SUMF1: variants seen among roughly 807,000 people sequenced by gnomAD.
SUMF1 encodes sulfatase modifying factor 1.
SUMF1 carries 48 observed loss-of-function variants against 47.6 expected under a neutral mutation model. That is an observed-to-expected ratio of 1.01 (90% CI 0.80 to 1.28). The LOEUF (loss-of-function observed/expected upper bound fraction) is 1.28. Ranked by LOEUF, SUMF1 falls within the 50% of genes most tolerant of loss-of-function variation. The pLI, the probability that SUMF1 is intolerant of heterozygous loss-of-function variation, is 0.00. For synonymous variants in SUMF1, 230 were observed against 192.1 expected (o/e 1.20, Z -1.63); for missense variants, 571 against 485.4 (o/e 1.18, Z -1.66).
chr3:4,240,273 G>C (rs1394145695), intron 8 of SUMF1, among the ~76,000 whole-genome samples: 1 of 152,092 alleles, frequency 6.6e-6, no homozygotes, highest in Non-Finnish European at 1.5e-5. Flanking sequence ...TCAGGATGAA[G>C]CTAGCCTCAT....
chr3:4,093,396 A>G (rs1341005203), intron 8 of SUMF1, among the ~76,000 whole-genome samples: 1 of 152,106 alleles, frequency 6.6e-6, no homozygotes, highest in Admixed American at 6.6e-5. Flanking sequence ...TGACAAATCA[A>G]TAATTCACCG....
chr3:4,369,396 C>G (rs76627809), intron 8 of SUMF1, among the ~76,000 whole-genome samples: 155 of 152,266 alleles, frequency 1.0e-3, no homozygotes, highest in African/African-American at 3.4e-3. Flanking sequence ...GAAGACATAG[C>G]AAAAGCCTCA....
intron 8 of SUMF1, among the ~76,000 whole-genome samples, chr3:4,301,791 G>T (rs1697972336): frequency 6.6e-6 from 1 of 152,200 alleles, no homozygotes; most frequent in Non-Finnish European, 1.5e-5. Flanking sequence ...GAGCCTGTAG[G>T]ACAGAAAACA....
At chr3:4,286,772 A>C (rs1697641196) in intron 8 of SUMF1, among the ~76,000 whole-genome samples, 2 of 152,308 alleles carry the variant, frequency 1.3e-5, no homozygotes, top group East Asian at 1.9e-4. Context: ...ATCGTAGCAC[A>C]GAACACCTAA....
chr3:4,458,420 T>C (rs1269281878), intron 1 of SUMF1, among the ~76,000 whole-genome samples: 1 of 152,132 alleles, frequency 6.6e-6, no homozygotes, highest in Non-Finnish European at 1.5e-5. Context: ...TGAAAAAATA[T>C]CTACACTCCC....
rs75162929 is a variant in SUMF1, at chr3:4,190,529, G to A, written c.1015-121784C>T. ...TGCATTATTAATACGAGCTCTGTGG[G>A]CCTGTTTAGCAGAAAAGTGACCCAT... is the stretch of plus-strand genomic sequence containing the variant. On this transcript the variant is annotated intron_variant and NMD_transcript_variant, in intron 8 of 12. Transcript: ENST00000448413. Among the ~76,000 whole-genome samples the A allele has an allele frequency of 9.8e-3, 1,408 of 143,418 alleles. 33 individuals carry two copies. Among genetic ancestry groups the A allele is most frequent in the African/African-American group, 0.04 (1,342 of 33,364 alleles). 94.1% of individuals were successfully genotyped at this position (143,418 alleles called of 152,430 possible).
intron 6 of SUMF1, among the ~76,000 whole-genome samples, chr3:4,415,871 T>G (rs1701694684): frequency 6.6e-6 from 1 of 152,202 alleles, no homozygotes; most frequent in Admixed American, 6.5e-5. Context: ...AGTGCTCTTT[T>G]GCCCGCCTTC....
intron 9 of SUMF1, among the ~76,000 whole-genome samples, chr3:4,043,050 G>C (rs944280821): frequency 6.6e-6 from 1 of 152,132 alleles, no homozygotes; most frequent in African/African-American, 2.4e-5. Flanking sequence ...GGTGGCAGGA[G>C]AGCAGAGTTG....
At chr3:4,431,292 C>G (rs1426342204) in intron 3 of SUMF1, among the ~76,000 whole-genome samples, 1 of 152,300 alleles carries the variant, frequency 6.6e-6, no homozygotes, top group African/African-American at 2.4e-5. Flanking sequence ...CTGATTGATC[C>G]CCATCCTTCA....
intron 8 of SUMF1, among the ~76,000 whole-genome samples, chr3:4,107,509 T>C (rs1295596647): frequency 6.6e-6 from 1 of 152,144 alleles, no homozygotes; most frequent in Non-Finnish European, 1.5e-5. Flanking sequence ...CTATCCTGCC[T>C]AGCTTTTAGT....
chr3:4,099,671 G>A lies in SUMF1; in HGVS notation c.1015-30926C>T, dbSNP rs200516633. Among the ~76,000 whole-genome samples the A allele has an allele frequency of 2.0e-5, 3 of 152,012 alleles. No individual in the cohort carries two copies. In the East Asian group the frequency reaches 5.8e-4, roughly 29 times the overall value. ...AAATAGGAAAATATGAATTGAAATT[G>A]TCTGTTTGCTGAGGACATGATCTTA... On this transcript the variant is annotated intron_variant and NMD_transcript_variant, in intron 8 of 12. Coordinates refer to the SUMF1 transcript ENST00000448413.
chr3:4,126,638 G>A (rs190611298), intron 8 of SUMF1, among the ~76,000 whole-genome samples: 3 of 152,220 alleles, frequency 2.0e-5, no homozygotes, highest in Admixed American at 2.0e-4. Flanking sequence ...ACAAGGGTAT[G>A]AATACAACCA....
chr3:4,217,520 A>ATTATATATATATATAT (rs1553610074), intron 8 of SUMF1, among the ~76,000 whole-genome samples: 1 of 78,656 alleles, frequency 1.3e-5, no homozygotes, highest in Non-Finnish European at 2.4e-5. Flanking sequence ...TTTTTTATAT[A>ATTATATATATATATAT]TATATATATA....
intron 8 of SUMF1, among the ~76,000 whole-genome samples, chr3:4,306,985 T>G (rs1698213853): frequency 6.6e-6 from 1 of 152,250 alleles, no homozygotes; most frequent in African/African-American, 2.4e-5. Context: ...GCTTCAAACA[T>G]TATTTTTAGA....
chr3:4,175,693 A>C (rs1694944121), intron 8 of SUMF1, among the ~76,000 whole-genome samples: 2 of 152,172 alleles, frequency 1.3e-5, no homozygotes. Flanking sequence ...TGACTTTGAC[A>C]GGATGACAGA....
intron 8 of SUMF1, among the ~76,000 whole-genome samples, chr3:4,082,786 G>A (rs150794405): frequency 6.6e-6 from 1 of 152,108 alleles, no homozygotes; most frequent in Non-Finnish European, 1.5e-5. Flanking sequence ...ATTAGAGAGA[G>A]AATGGGTATG....
At chr3:4,349,420 G>C (rs141244836) in intron 8 of SUMF1, among the ~76,000 whole-genome samples, 1,896 of 152,300 alleles carry the variant, frequency 0.012, 47 homozygotes, top group African/African-American at 0.042. Context: ...GTGGAAGACA[G>C]TATGGTGATT....
At chr3:4,069,797 A>G (rs1380032508) in intron 8 of SUMF1, among the ~76,000 whole-genome samples, 1 of 152,164 alleles carries the variant, frequency 6.6e-6, no homozygotes, top group Non-Finnish European at 1.5e-5. Flanking sequence ...AGATAAGGAA[A>G]AATATATAAC....
intron 8 of SUMF1, among the ~76,000 whole-genome samples, chr3:4,118,287 C>T (rs1158641469): frequency 6.7e-6 from 1 of 149,632 alleles, no homozygotes; most frequent in Non-Finnish European, 1.5e-5. Flanking sequence ...AAACAGAGAA[C>T]AAAAAAGAGT....
Sources: allele counts gnomAD v4.1 joint callset (sites outside exome capture counted in the v4.1 genomes callset), GRCh38; gene constraint gnomAD v4.1.1; transcripts MANE v1.5; gene names NCBI Gene and HGNC (gene_info 2026-07-23, HGNC 2026-07-21).